ECPAS: variants seen among roughly 807,000 people sequenced by gnomAD.
ECPAS encodes Ecm29 proteasome adaptor and scaffold, also known as proteasome adapter and scaffold protein ECM29.
A neutral mutation model predicts 255.1 loss-of-function variants in ECPAS; 70 were observed. The ratio of observed to expected loss-of-function variants is 0.27; its 90% CI spans 0.23 to 0.33. The LOEUF (loss-of-function observed/expected upper bound fraction) is 0.33. Ranked by LOEUF, ECPAS falls within the 10% of genes least tolerant of loss-of-function variation. The probability of loss-of-function intolerance (pLI) is 1.00; values close to 1 mark genes in which losing one functional copy is unlikely to be tolerated. For missense variants in ECPAS, 1,817 were observed against 2,206.4 expected (o/e 0.82, Z 3.54); for synonymous variants, 784 against 775.0 (o/e 1.01, Z -0.19).
At chr9:111,479,721 C>G (rs1309972057) in intron 1 of ECPAS, among the ~76,000 whole-genome samples, 1 of 152,086 alleles carries the variant, frequency 6.6e-6, no homozygotes, top group East Asian at 1.9e-4. Context: ...TGGCTCACGC[C>G]TGTAATCCCA....
intron 13 of ECPAS, 75 bp downstream of exon 13, chr9:111,423,124 C>T (rs939689792): frequency 2.1e-5 from 21 of 979,284 alleles, no homozygotes; most frequent in African/African-American, 2.1e-4. Context: ...ATTTATTCTC[C>T]GCCATTATTA....
intron 22 of ECPAS, 107 bp from the exon 23 acceptor site, chr9:111,410,320 A>T: frequency 1.1e-6 from 1 of 880,648 alleles, no homozygotes; most frequent in Non-Finnish European, 1.7e-6. Context: ...AATAAAATCA[A>T]AGTGTACGAT....
intron 26 of ECPAS, 95 bp from the exon 27 acceptor site, chr9:111,393,829 T>G (rs2098163811): frequency 1.1e-6 from 1 of 931,572 alleles, no homozygotes; most frequent in Non-Finnish European, 1.7e-6. Context: ...TGTAGTCTTA[T>G]TATCCAAGCC....
At chr9:111,370,051 C>T (rs1303392043) in intron 45 of ECPAS, among the ~76,000 whole-genome samples, 1 of 152,206 alleles carries the variant, frequency 6.6e-6, no homozygotes, top group Non-Finnish European at 1.5e-5. Context: ...AACAGGATGG[C>T]TATAAGTCAA....
At chr9:111,431,721 A>G (rs2098230317) in intron 8 of ECPAS, among the ~76,000 whole-genome samples, 1 of 152,176 alleles carries the variant, frequency 6.6e-6, no homozygotes, top group South Asian at 2.1e-4. Context: ...TCTGCTTTCA[A>G]GCTATCCTGT....
intron 8 of ECPAS, among the ~76,000 whole-genome samples, chr9:111,430,865 G>A (rs1480669039): frequency 1.3e-5 from 2 of 152,100 alleles, no homozygotes; most frequent in Admixed American, 1.3e-4. Context: ...ACAGATTATT[G>A]TATCCAATGG....
intron 31 of ECPAS, among the ~76,000 whole-genome samples, chr9:111,387,481 T>C (rs1041740286): frequency 6.6e-6 from 1 of 151,234 alleles, no homozygotes; most frequent in Admixed American, 6.6e-5. Flanking sequence ...GTGCAGTTAT[T>C]GAGGAACAGA....
chr9:111,362,213 A>T, intron 49 of ECPAS, 44 bp from the exon 50 acceptor site: 4 of 1,491,474 alleles, frequency 2.7e-6, no homozygotes, highest in Non-Finnish European at 2.7e-6. Flanking sequence ...ACAAAAAACA[A>T]AGCAAAAAGA....
intron 10 of ECPAS, 80 bp downstream of exon 10, chr9:111,427,962 C>T (rs2098224212): frequency 7.7e-7 from 1 of 1,298,120 alleles, no homozygotes; most frequent in Non-Finnish European, 1.1e-6. Flanking sequence ...CACTGAATAT[C>T]CATTAACACA....
intron 1 of ECPAS, among the ~76,000 whole-genome samples, chr9:111,476,659 A>G (rs1589243859): frequency 7.2e-6 from 1 of 139,860 alleles, no homozygotes. Flanking sequence ...TCAGCTCACC[A>G]CAACCTCCGC....
chr9:111,418,452 G>A (rs1214917881), intron 16 of ECPAS, among the ~76,000 whole-genome samples: 1 of 152,082 alleles, frequency 6.6e-6, no homozygotes. Context: ...ACATTAAAGT[G>A]TAAAAATATA....
At chr9:111,474,503 T>C (rs1215854871) in intron 1 of ECPAS, among the ~76,000 whole-genome samples, 2 of 152,236 alleles carry the variant, frequency 1.3e-5, no homozygotes, top group Non-Finnish European at 2.9e-5. Flanking sequence ...TTAGTCTTGC[T>C]GCTCTTGATC....
intron 2 of ECPAS, among the ~76,000 whole-genome samples, chr9:111,460,480 T>G (rs915708724): frequency 6.6e-6 from 1 of 152,180 alleles, no homozygotes; most frequent in African/African-American, 2.4e-5. Context: ...GCAAATTTTA[T>G]TCAGAGCAAT....
At position 111,429,765 on chromosome 9, in the gene ECPAS, A is replaced by G. The variant is rs74625586; in HGVS notation, c.930+782T>C. 4.3e-3 allele frequency among the ~76,000 whole-genome samples: 657 copies of G among 152,352 alleles called. 3 individuals carry two copies. The highest frequency in any genetic ancestry group is 6.6e-3 in the Admixed American group (101 of 15,306). On this transcript the variant is annotated intron_variant, in intron 9 of 49. Transcript: ENST00000684092. ...GCACCTGTAGTCACAGCTACTCAAGAGACTGAGGCAGGAGCACAGCTTAAG... is the reference window on the plus strand; with the variant it reads ...GCACCTGTAGTCACAGCTACTCAAGGGACTGAGGCAGGAGCACAGCTTAAG...
Position 111,366,303 on chromosome 9 carries a change from A to T in ECPAS, c.5244T>A (p.His1748Gln). ...TTTCAGCCAAAGCCTCAGGATCGGC[A>T]TGTTCTTCTTCCAAAAGCATTAACC... is the stretch of plus-strand genomic sequence containing the variant. Reference protein sequence around the residue: ...FQGLMLLEEEHADPEALAEIL... With the variant: ...FQGLMLLEEEQADPEALAEIL... Residue 1748 changes from histidine (H) to glutamine (Q), a missense_variant, in exon 48 of 50, where the codon CAT becomes CAA. His to Gln is a conservative substitution (Grantham distance 24, BLOSUM62 0). This residue lies in a region of ECPAS where 960 missense variants were observed against 1,179.0 expected (regional missense o/e 0.81). Transcript: ENST00000684092. The T allele has an allele frequency of 6.3e-7, 1 of 1,577,266 alleles. No homozygotes were observed.
chr9:111,392,643 G>A (rs1260092164), intron 28 of ECPAS, 125 bp downstream of exon 28: 21 of 625,736 alleles, frequency 3.4e-5, no homozygotes, highest in South Asian at 1.0e-4. Flanking sequence ...TTATGGACTC[G>A]CAACTTAGAA....
intron 2 of ECPAS, among the ~76,000 whole-genome samples, chr9:111,462,334 T>A (rs2098274160): frequency 6.6e-6 from 1 of 152,148 alleles, no homozygotes; most frequent in Non-Finnish European, 1.5e-5. Context: ...AGCATCTATG[T>A]AAAATCTACA....
At chr9:111,408,015 A>AG (rs1274736591) in intron 24 of ECPAS, among the ~76,000 whole-genome samples, 1 of 152,222 alleles carries the variant, frequency 6.6e-6, no homozygotes, top group Admixed American at 6.5e-5. Flanking sequence ...CAAGCCGAGA[A>AG]GGAAGTAGGC....
intron 32 of ECPAS, among the ~76,000 whole-genome samples, 198 bp downstream of exon 32, chr9:111,386,179 G>A (rs1040758255): frequency 4.6e-5 from 7 of 152,196 alleles, no homozygotes; most frequent in Non-Finnish European, 1.0e-4. Context: ...GCCCACGCTG[G>A]TCTTGAACTC....
Sources: allele counts gnomAD v4.1 joint callset (sites outside exome capture counted in the v4.1 genomes callset), GRCh38; gene constraint gnomAD v4.1.1; regional missense constraint gnomAD v4.1.1; transcripts MANE v1.5; gene names NCBI Gene and HGNC (gene_info 2026-07-23, HGNC 2026-07-21).